Variants in PSD4 observed in about 807,000 individuals in gnomAD.
PSD4 encodes PH and SEC7 domain-containing protein 4.
In PSD4, 59 loss-of-function variants were observed where a neutral mutation model predicts 112.5. The ratio of observed to expected loss-of-function variants is 0.52; its 90% CI spans 0.43 to 0.65. The LOEUF is 0.65. Among genes scored for constraint, PSD4 ranks in the 30% least tolerant of loss-of-function variants. The pLI, the probability that PSD4 is intolerant of heterozygous loss-of-function variation, is 0.00. For missense variants in PSD4, 1,267 were observed against 1,352.6 expected (o/e 0.94, Z 0.99); for synonymous variants, 533 against 540.0 (o/e 0.99, Z 0.18).
intron 5 of PSD4, among the ~76,000 whole-genome samples, chr2:113,191,700 A>C (rs1688444331): frequency 6.6e-6 from 1 of 152,208 alleles, no homozygotes; most frequent in Non-Finnish European, 1.5e-5. Context: ...GGGAAGCAGA[A>C]GAGTCAGGTT....
chr2:113,193,995 C>G lies in PSD4; in HGVS notation c.2181+47C>G, dbSNP rs766601162. 13 of 1,571,822 alleles carry G rather than the reference C, an allele frequency of 8.3e-6. No homozygotes were observed. In the South Asian group the frequency reaches 1.3e-4, roughly 16 times the overall value. The stretch of plus-strand genomic sequence containing the variant: ...TATGAGCCTCATGTAGGACCTGGAG[C>G]CTTGGTTCTTTGTTCCAAGGGAGAT... On this transcript the variant is annotated intron_variant, in intron 10 of 16. Transcript: ENST00000245796.
chr2:113,181,218 A>G (rs1366400448), intron 1 of PSD4, among the ~76,000 whole-genome samples: 5 of 134,642 alleles, frequency 3.7e-5, no homozygotes, highest in Non-Finnish European at 6.4e-5. Context: ...ACAGAGCGAG[A>G]CTCTGTCTCA....
intron 4 of PSD4, 85 bp downstream of exon 4, chr2:113,185,525 A>G (rs918146566): frequency 1.2e-6 from 2 of 1,608,396 alleles, no homozygotes; most frequent in Non-Finnish European, 8.5e-7. Context: ...TCTTGGATCC[A>G]TGGTTGCCAT....
In PSD4 at chr2:113,174,009, T is replaced by C. The variant is rs1417042695; in HGVS notation, c.-157T>C. 1 of 152,438 alleles carries C rather than the reference T, an allele frequency of 6.6e-6. No individual in the cohort carries two copies. The highest frequency in any genetic ancestry group is 1.9e-4 in the East Asian group (1 of 5,186). 9.4% of individuals were successfully genotyped at this position (152,438 alleles called of 1,614,324 possible). On this transcript the variant is annotated 5_prime_UTR_variant, in exon 1 of 17. Transcript: ENST00000245796. ...AAGCCGACTGTGAGCCAGGAAGTGC[T>C]CTTGGGGAGCCCAGGCCAAGCCATC...
chr2:113,199,185 C>T lies in PSD4; in HGVS notation c.2872C>T (p.Leu958=). Residue 958 remains leucine, a synonymous_variant, in exon 16 of 17, where the codon CTG becomes TTG. Transcript: ENST00000245796. ...GGAGCGGCGGGGCCGTGGCCGCGAGCTGGAGGAGCACCGCCTGCGGAAGGA... is the reference window on the plus strand; with the variant it reads ...GGAGCGGCGGGGCCGTGGCCGCGAGTTGGAGGAGCACCGCCTGCGGAAGGA... ...LPERRGRGRE[L]EEHRLRKEYL... is the part of the protein sequence containing the mutation. 6.6e-7 allele frequency: 1 copy of T among 1,523,144 alleles called. No homozygotes were observed. Among genetic ancestry groups the T allele is most frequent in the Non-Finnish European group, 8.8e-7 (1 of 1,138,308 alleles). The allele number at this position is 1,523,144 out of a possible 1,614,324, so 94.4% of individuals were successfully genotyped here. A position where few individuals can be genotyped will look rare whatever the true frequency, so the allele number is the denominator to read the frequency against.
rs1365319473 is a variant in PSD4 at position 113,203,670 on chromosome 2, C to T, written c.*2255C>T. ...ACCTCCACTGAATCAAGCGATTCTC[C>T]TGCCTCAGCCTCCCAAGTAGCTAGG... On this transcript the variant is annotated 3_prime_UTR_variant, in exon 17 of 17. Coordinates refer to ENST00000245796, the MANE Select transcript of PSD4 (RefSeq NM_012455.3). 6.7e-6 allele frequency: 1 copy of T among 149,500 alleles called. No individual in the cohort carries two copies. Among genetic ancestry groups the T allele is most frequent in the Non-Finnish European group, 1.5e-5 (1 of 67,870 alleles). The allele number at this position is 149,500 out of a possible 1,614,324, so 9.3% of individuals were successfully genotyped here.
At chr2:113,193,776 A>G (rs538176797) in intron 9 of PSD4, 83 bp from the exon 10 acceptor site, 3 of 1,567,062 alleles carry the variant, frequency 1.9e-6, no homozygotes, top group African/African-American at 1.4e-5. Context: ...GGAGCTGGAA[A>G]GGGTTCCATG....
At chr2:113,194,159 C>G (rs939469191) in intron 10 of PSD4, among the ~76,000 whole-genome samples, 1 of 152,196 alleles carries the variant, frequency 6.6e-6, no homozygotes. Flanking sequence ...TCTGCAGGCT[C>G]CCTGTGCTGG....
At chr2:113,193,422 T>C (rs757739943) in intron 8 of PSD4, 52 bp downstream of exon 8, 3 of 1,567,600 alleles carry the variant, frequency 1.9e-6, no homozygotes, top group Admixed American at 1.7e-5. Context: ...GGGGTGCCCA[T>C]GTCTGCTTGG....
Position 113,183,219 on chromosome 2 carries a change from C to A in PSD4, c.763C>A (p.Pro255Thr). ...CAGCAACCCCCTCTTCCTGGCGAGT[C>A]CTTGCTCAGAGAACAGTGCTTCTGG... ...FFSNPLFLAS[P>T]CSENSASGEC... Residue 255 changes from proline to threonine, a missense_variant, in exon 2 of 17, where the codon CCT becomes ACT. Pro to Thr is a conservative substitution (Grantham distance 38). Transcript: ENST00000245796. 1.2e-6 allele frequency: 2 copies of A among 1,614,214 alleles called. No individual in the cohort carries two copies. Among genetic ancestry groups the A allele is most frequent in the Non-Finnish European group, 1.7e-6 (2 of 1,180,046 alleles).
intron 3 of PSD4, 60 bp from the exon 4 acceptor site, chr2:113,185,305 C>G: frequency 6.2e-7 from 1 of 1,602,096 alleles, no homozygotes; most frequent in Non-Finnish European, 8.5e-7. Context: ...CCTGGCCTCT[C>G]CCCCATCCAC....
intron 13 of PSD4, 34 bp downstream of exon 13, chr2:113,197,668 G>A (rs780812015): frequency 9.9e-6 from 16 of 1,613,912 alleles, no homozygotes; most frequent in African/African-American, 2.7e-5. Flanking sequence ...GTCAGAATGG[G>A]AGACTGAGAG....
intron 4 of PSD4, 81 bp from the exon 5 acceptor site, chr2:113,185,796 G>A (rs750170896): frequency 1.3e-6 from 2 of 1,554,528 alleles, no homozygotes; most frequent in East Asian, 2.4e-5. Flanking sequence ...GGAGCCCCAG[G>A]GAGGGAGCCT....
In PSD4 at chr2:113,197,784, T is replaced by C. The variant is rs774148849; in HGVS notation, c.2495T>C (p.Val832Ala). 6.2e-7 allele frequency: 1 copy of C among 1,610,926 alleles called. No individual in the cohort carries two copies. The highest frequency in any genetic ancestry group is 8.5e-7 in the Non-Finnish European group (1 of 1,177,630). ...EDHCLEGESL[V>A]GQMVDEPVGV... Reference sequence around the variant, plus strand: ...CACTGTCTGGAGGGGGAGAGCTTGGTGGGGCAGATGGTGGATGAGCCCGTG... The same window carrying C: ...CACTGTCTGGAGGGGGAGAGCTTGGCGGGGCAGATGGTGGATGAGCCCGTG... The change falls in exon 14 of 17, where the codon GTG becomes GCG. Residue 832 changes from valine to alanine, a missense_variant. Around this residue, in one of 2 missense-constraint regions of PSD4, gnomAD observed 544 missense variants for 648.6 expected, o/e 0.84. Transcript: ENST00000245796.
intron 15 of PSD4, 73 bp from the exon 16 acceptor site, chr2:113,199,010 G>T (rs906909971): frequency 1.3e-6 from 2 of 1,511,572 alleles, no homozygotes; most frequent in Non-Finnish European, 1.8e-6. Flanking sequence ...GGCCAGGGGG[G>T]CGGCGCGCCC....
intron 4 of PSD4, 193 bp from the exon 5 acceptor site, chr2:113,185,684 G>A (rs762417928): frequency 8.0e-5 from 124 of 1,548,148 alleles, no homozygotes; most frequent in Middle Eastern, 1.7e-4. Flanking sequence ...GCCCTTAGTT[G>A]CCTGGAGGCT....
intron 5 of PSD4, among the ~76,000 whole-genome samples, chr2:113,189,852 G>A (rs1381126356): frequency 1.3e-5 from 2 of 152,104 alleles, no homozygotes; most frequent in African/African-American, 4.8e-5. Context: ...CCCACTTCTT[G>A]ATGGGATTAT....
At chr2:113,181,909 G>A (rs549082164) in intron 1 of PSD4, among the ~76,000 whole-genome samples, 7 of 152,238 alleles carry the variant, frequency 4.6e-5, no homozygotes, top group South Asian at 2.1e-4. Flanking sequence ...TCCTCACCTC[G>A]TCTGTGTCTG....
intron 2 of PSD4, 75 bp downstream of exon 2, chr2:113,183,587 G>A: frequency 7.4e-7 from 1 of 1,345,666 alleles, no homozygotes. Context: ...GGGGTCACCA[G>A]GCCCAGAACA....
Sources: allele counts gnomAD v4.1 joint callset (sites outside exome capture counted in the v4.1 genomes callset), GRCh38; gene constraint gnomAD v4.1.1; regional missense constraint gnomAD v4.1.1; transcripts MANE v1.5; gene names NCBI Gene and HGNC (gene_info 2026-07-23, HGNC 2026-07-21).